The following THSD7B variants were observed in gnomAD, a reference collection of about 807,000 sequenced individuals.
THSD7B encodes thrombospondin type-1 domain-containing protein 7B.
THSD7B carries 138 observed loss-of-function variants against 213.6 expected under a neutral mutation model. The ratio of observed to expected loss-of-function variants is 0.65; its 90% CI spans 0.56 to 0.74. The LOEUF is 0.74. Ranked by LOEUF, THSD7B falls within the 30% of genes least tolerant of loss-of-function variation. The probability of loss-of-function intolerance (pLI) is 0.00; values close to 1 mark genes in which losing one functional copy is unlikely to be tolerated. For synonymous variants in THSD7B, 742 were observed against 687.0 expected (o/e 1.08, Z -1.25); for missense variants, 1,931 against 1,991.5 (o/e 0.97, Z 0.58).
chr2:137,331,115 G>A lies in THSD7B; in HGVS notation c.2500+55089G>A, dbSNP rs148687186. On this transcript the variant is annotated intron_variant, in intron 12 of 27. Transcript: ENST00000409968. The stretch of plus-strand genomic sequence containing the variant: ...AACCTTGAGCTAGATACAGAGTGCC[G>A]ACTGGTGTATTTACAATCCCTGAGC... Among the ~76,000 whole-genome samples, 1,111 of 150,446 alleles carry A rather than the reference G, an allele frequency of 7.4e-3. 16 individuals carry two copies. Among genetic ancestry groups the A allele is most frequent in the African/African-American group, 0.025 (1,033 of 40,682 alleles).
chr2:137,020,257 A>G (rs961806657), intron 2 of THSD7B, among the ~76,000 whole-genome samples: 7 of 152,120 alleles, frequency 4.6e-5, no homozygotes, highest in Non-Finnish European at 8.8e-5. Flanking sequence ...GGGTGATCCA[A>G]ACTGTGTTCT....
intron 3 of THSD7B, among the ~76,000 whole-genome samples, chr2:137,086,614 A>G (rs1324435633): frequency 6.6e-6 from 1 of 152,194 alleles, no homozygotes; most frequent in African/African-American, 2.4e-5. Flanking sequence ...TGGCACATTC[A>G]TTGATTCCAA....
intron 12 of THSD7B, among the ~76,000 whole-genome samples, chr2:137,402,163 T>G (rs1451507061): frequency 3.3e-5 from 5 of 152,222 alleles, no homozygotes; most frequent in African/African-American, 1.2e-4. Flanking sequence ...GACTTTTTTA[T>G]AGTCTTGTGA....
intron 2 of THSD7B, among the ~76,000 whole-genome samples, chr2:136,930,863 C>T (rs1024690895): frequency 5.3e-5 from 8 of 151,094 alleles, no homozygotes; most frequent in Admixed American, 2.6e-4. Context: ...TATTTATAAT[C>T]GATATAACAC....
chr2:136,851,475 C>T (rs146493217), intron 1 of THSD7B, among the ~76,000 whole-genome samples: 37 of 152,196 alleles, frequency 2.4e-4, no homozygotes, highest in Admixed American at 1.4e-3. Context: ...TACTTTTAGG[C>T]TAACATTTAT....
At chr2:136,788,900 T>G (rs1269272270) in intron 1 of THSD7B, among the ~76,000 whole-genome samples, 7 of 152,178 alleles carry the variant, frequency 4.6e-5, no homozygotes, top group Non-Finnish European at 1.5e-5. Context: ...CAGCAGATCA[T>G]TTTGTTATGT....
intron 12 of THSD7B, among the ~76,000 whole-genome samples, chr2:137,381,336 C>G (rs1156978292): frequency 6.6e-6 from 1 of 152,206 alleles, no homozygotes; most frequent in African/African-American, 2.4e-5. Flanking sequence ...GCATTTTTGA[C>G]CACGCTATGA....
chr2:137,612,343 T>C (rs564800843), intron 17 of THSD7B, among the ~76,000 whole-genome samples: 2 of 152,218 alleles, frequency 1.3e-5, no homozygotes, highest in East Asian at 3.9e-4. Flanking sequence ...CCATAATGGG[T>C]GTGCTGTCTT....
At chr2:137,129,101 A>C (rs1688678536) in intron 5 of THSD7B, among the ~76,000 whole-genome samples, 1 of 152,086 alleles carries the variant, frequency 6.6e-6, no homozygotes, top group African/African-American at 2.4e-5. Flanking sequence ...ATTCTTTGTC[A>C]AAGAACCTTG....
At chr2:136,889,606 A>G (rs2104998483) in intron 2 of THSD7B, among the ~76,000 whole-genome samples, 1 of 152,250 alleles carries the variant, frequency 6.6e-6, no homozygotes, top group African/African-American at 2.4e-5. Context: ...GGAAATGAAA[A>G]ATTTCCTTCT....
chr2:137,626,699 A>G (rs1244218240), intron 20 of THSD7B, among the ~76,000 whole-genome samples: 1 of 152,148 alleles, frequency 6.6e-6, no homozygotes, highest in African/African-American at 2.4e-5. Flanking sequence ...GCTGTTTACC[A>G]TAAGCAGTTA....
At chr2:137,080,512 C>T (rs903871858) in intron 3 of THSD7B, among the ~76,000 whole-genome samples, 1 of 151,822 alleles carries the variant, frequency 6.6e-6, no homozygotes, top group Non-Finnish European at 1.5e-5. Flanking sequence ...CTGCATCTGA[C>T]CAATATGTTT....
chr2:137,075,348 G>A (rs900745816), intron 3 of THSD7B, among the ~76,000 whole-genome samples: 4 of 151,940 alleles, frequency 2.6e-5, no homozygotes, highest in African/African-American at 9.7e-5. Flanking sequence ...GTCTTCCATC[G>A]CTGGTACTCT....
chr2:136,951,843 T>A (rs201059102), intron 2 of THSD7B, among the ~76,000 whole-genome samples: 12,514 of 152,150 alleles, frequency 0.082, 882 homozygotes, highest in African/African-American at 0.19. Context: ...GGCATCAAGT[T>A]TTTTTAAAAT....
At position 137,646,662 on chromosome 2, in the gene THSD7B, A is replaced by ATAATAATAATAT. The variant is rs1683038077; in HGVS notation, c.3945+4040_3945+4041insTTAATAATAATA. ...GTGACACTCCATCTTAATAATAATA[A>ATAATAATAATAT]TAATAATAATAATAATAATAAACAC... On this transcript the variant is annotated intron_variant, in intron 21 of 27. Coordinates refer to ENST00000409968, the MANE Select transcript of THSD7B (RefSeq NM_001316349.2). 5.6e-5 allele frequency among the ~76,000 whole-genome samples: 8 copies of ATAATAATAATAT among 142,578 alleles called. 1 individual carries two copies. In the South Asian group the frequency reaches 1.8e-3, roughly 32 times the overall value. 93.5% of individuals were successfully genotyped at this position (142,578 alleles called of 152,430 possible).
chr2:137,068,706 T>C (rs538336821), intron 3 of THSD7B, among the ~76,000 whole-genome samples: 1 of 152,228 alleles, frequency 6.6e-6, no homozygotes, highest in East Asian at 1.9e-4. Context: ...TGTTCTAAAG[T>C]ACAGATTCCT....
At chr2:137,078,247 A>G (rs1450538236) in intron 3 of THSD7B, among the ~76,000 whole-genome samples, 1 of 152,184 alleles carries the variant, frequency 6.6e-6, no homozygotes, top group East Asian at 1.9e-4. Context: ...TGTAGTTTGA[A>G]GTCAGATAGC....
intron 2 of THSD7B, among the ~76,000 whole-genome samples, chr2:137,051,070 C>G (rs555342681): frequency 3.3e-5 from 5 of 152,210 alleles, no homozygotes; most frequent in African/African-American, 1.2e-4. Flanking sequence ...AGCCTGCCTC[C>G]AGGGCTGACT....
chr2:137,266,338 C>A (rs1573921543), intron 10 of THSD7B, among the ~76,000 whole-genome samples: 2 of 152,118 alleles, frequency 1.3e-5, no homozygotes, highest in African/African-American at 2.4e-5. Context: ...GTTAGGGTTG[C>A]AACTCAACCC....
Sources: allele counts gnomAD v4.1 joint callset (sites outside exome capture counted in the v4.1 genomes callset), GRCh38; gene constraint gnomAD v4.1.1; transcripts MANE v1.5; gene names NCBI Gene and HGNC (gene_info 2026-07-23, HGNC 2026-07-21).